MRM1: variants seen among roughly 807,000 people sequenced by gnomAD.
The protein encoded by MRM1 is rRNA methyltransferase 1, mitochondrial.
MRM1 carries 24 observed loss-of-function variants against 25.0 expected under a neutral mutation model. That is an observed-to-expected ratio of 0.96 (90% CI 0.69 to 1.35). MRM1 has a LOEUF of 1.35. Among genes scored for constraint, MRM1 ranks in the 40% most tolerant of loss-of-function variants. The probability of loss-of-function intolerance (pLI) is 0.00; values close to 1 mark genes in which losing one functional copy is unlikely to be tolerated. For missense variants in MRM1, 431 were observed against 464.1 expected (o/e 0.93, Z 0.65); for synonymous variants, 188 against 199.2 (o/e 0.94, Z 0.47).
At chr17:36,604,042 T>C (rs2142835209) in intron 2 of MRM1, among the ~76,000 whole-genome samples, 1 of 152,366 alleles carries the variant, frequency 6.6e-6, no homozygotes, top group South Asian at 2.1e-4. Context: ...GTCATCCGCC[T>C]GTTGCTGTGG....
chr17:36,614,262 CTTCCCTGTTTCA>C, the MRM1 span, among the ~76,000 whole-genome samples: 2 of 152,084 alleles, frequency 1.3e-5, no homozygotes, highest in Non-Finnish European at 2.9e-5. Context: ...CTGTTTGCAG[CTTCCCTGTTTCA>C]TTAACACCTC....
At chr17:36,610,217 G>A (rs988986854), downstream of MRM1, among the ~76,000 whole-genome samples, 3 of 148,404 alleles carry the variant, frequency 2.0e-5, no homozygotes, top group Non-Finnish European at 4.4e-5. Flanking sequence ...TGTGAACCTG[G>A]CCTAAAAAGG....
chr17:36,608,294 G>A lies in MRM1; in HGVS notation c.941G>A (p.Gly314Glu). 2 of 1,605,898 alleles carry A rather than the reference G, an allele frequency of 1.2e-6. No individual in the cohort carries two copies. Among genetic ancestry groups the A allele is most frequent in the Non-Finnish European group, 1.7e-6 (2 of 1,176,394 alleles). ...CSQRKGFPTE[G>E]ERRQLLQDPQ... is the part of the protein sequence containing the mutation. ...CAGAGGAAGGGTTTCCCCACAGAGG[G>A]GGAGAGAAGGCAGCTTCTCCAAGAC... Residue 314 changes from glycine (G) to glutamate (E), a missense_variant, in exon 5 of 5, where the codon GGG (glycine) becomes GAG (glutamate). Coordinates refer to ENST00000614766, the MANE Select transcript of MRM1 (RefSeq NM_024864.5).
Position 36,601,843 on chromosome 17 carries a change from C to T in MRM1, c.33C>T (p.Thr11=). 5 of 1,588,648 alleles carry T rather than the reference C, an allele frequency of 3.1e-6. No individual in the cohort carries two copies. The highest frequency in any genetic ancestry group is 2.6e-6 in the Non-Finnish European group (3 of 1,169,310). ...TGCTCTCGACCGTCCGGGGCGCGAC[C>T]TGGGGTCGCCTCGTCACCCGTCATT... The part of the protein sequence containing the change: MALLSTVRGA[T]WGRLVTRHFS... The change falls in exon 1 of 5, where the codon ACC becomes ACT. Residue 11 remains threonine (T), a synonymous_variant. Transcript: ENST00000614766.
chr17:36,607,561 T>G (rs2074940789), intron 2 of MRM1, 109 bp from the exon 3 acceptor site: 3 of 1,336,854 alleles, frequency 2.2e-6, no homozygotes, highest in Non-Finnish European at 3.0e-6. Flanking sequence ...CGGTTGAGGC[T>G]GCGGTGAGCT....
At chr17:36,610,502 G>A (rs145535899), downstream of MRM1, among the ~76,000 whole-genome samples, 9,484 of 152,268 alleles carry the variant, frequency 0.062, 510 homozygotes, top group African/African-American at 0.13. Flanking sequence ...AATGTGCTGG[G>A]ATTACAGGCG....
the MRM1 span, among the ~76,000 whole-genome samples, chr17:36,618,657 G>A: frequency 2.2e-4 from 33 of 152,168 alleles, no homozygotes; most frequent in Admixed American, 5.2e-4. Context: ...ACTGGGAGCG[G>A]ACAGCCCAGG....
At chr17:36,618,292 T>G in the MRM1 span, among the ~76,000 whole-genome samples, 3 of 152,156 alleles carry the variant, frequency 2.0e-5, no homozygotes. Context: ...AAGTATTTAT[T>G]GAGCACCTAC....
Position 36,605,983 on chromosome 17 carries a change from G to A in MRM1, c.637-1687G>A, listed in dbSNP as rs138987000. Among the ~76,000 whole-genome samples, 284 of 152,218 alleles carry A rather than the reference G, an allele frequency of 1.9e-3. 1 individual carries two copies. Among genetic ancestry groups the A allele is most frequent in the African/African-American group, 5.9e-3 (246 of 41,536 alleles). On this transcript the variant is annotated intron_variant, in intron 2 of 4. Coordinates refer to ENST00000614766, the MANE Select transcript of MRM1 (RefSeq NM_024864.5). ...CAAAACCTTTCAAAGCCTCTGTACC[G>A]CTCAGATTCAAAGGCAGAGTCCTTC...
Position 36,601,757 on chromosome 17 carries a change from T to C in MRM1, c.-54T>C. 6.7e-7 allele frequency: 1 copy of C among 1,493,546 alleles called. No individual in the cohort carries two copies. The allele number at this position is 1,493,546 out of a possible 1,614,324, so 92.5% of individuals were successfully genotyped here. On this transcript the variant is annotated 5_prime_UTR_variant, in exon 1 of 5. Coordinates refer to ENST00000614766, the MANE Select transcript of MRM1 (RefSeq NM_024864.5). ...CCTGGGAGCGAACTGCGGCGCGGGTTACCGCTCCCGGGGACGCAGCAAGGG... is the reference window on the plus strand; with the variant it reads ...CCTGGGAGCGAACTGCGGCGCGGGTCACCGCTCCCGGGGACGCAGCAAGGG...
At chr17:36,625,339 G>T in the MRM1 span, among the ~76,000 whole-genome samples, 2,121 of 73,114 alleles carry the variant, frequency 0.029, 42 homozygotes, top group African/African-American at 0.13. Context: ...CTTCTCCTTC[G>T]CCTTCTTCTT....
chr17:36,632,584 T>C, the MRM1 span, among the ~76,000 whole-genome samples: 1 of 150,852 alleles, frequency 6.6e-6, no homozygotes, highest in Non-Finnish European at 1.5e-5. Context: ...TAACGAGGAT[T>C]TGGGCAATTT....
At chr17:36,613,200 C>T (rs1219243571), downstream of MRM1, among the ~76,000 whole-genome samples, 1 of 152,048 alleles carries the variant, frequency 6.6e-6, no homozygotes, top group Non-Finnish European at 1.5e-5. Context: ...GTCAATCCCC[C>T]TCCCCCTAGG....
At chr17:36,632,577 C>T in the MRM1 span, among the ~76,000 whole-genome samples, 19 of 151,892 alleles carry the variant, frequency 1.3e-4, no homozygotes, top group South Asian at 2.7e-3. Flanking sequence ...TCTCAGTTAA[C>T]GAGGATTTGG....
At chr17:36,606,607 C>CTTCT (rs2074930383) in intron 2 of MRM1, among the ~76,000 whole-genome samples, 1 of 142,814 alleles carries the variant, frequency 7.0e-6, no homozygotes, top group Admixed American at 7.0e-5. Context: ...TCAGGCTAGT[C>CTTCT]TTTTTTTTTT....
intron 2 of MRM1, among the ~76,000 whole-genome samples, chr17:36,605,949 T>G (rs1412672982): frequency 6.6e-6 from 1 of 152,162 alleles, no homozygotes; most frequent in Non-Finnish European, 1.5e-5. Flanking sequence ...ACCATGTTAC[T>G]TCTCTGCTCA....
At chr17:36,606,023 A>T (rs1021721944) in intron 2 of MRM1, among the ~76,000 whole-genome samples, 2 of 152,072 alleles carry the variant, frequency 1.3e-5, no homozygotes, top group African/African-American at 4.8e-5. Context: ...AGCCCTGGAG[A>T]CCATACCTCA....
chr17:36,603,025 A>G (rs1463589524), intron 2 of MRM1: 3 of 984,880 alleles, frequency 3.0e-6, no homozygotes, highest in East Asian at 2.3e-4. Context: ...GGATGTTTGA[A>G]CAAGAAGATC....
intron 2 of MRM1, among the ~76,000 whole-genome samples, chr17:36,605,669 C>T (rs891958138): frequency 1.3e-5 from 2 of 151,548 alleles, no homozygotes; most frequent in African/African-American, 4.9e-5. Flanking sequence ...GTCAGGCGGG[C>T]ATTTCAAACC....
Sources: gnomAD v4.1 joint callset for allele counts (sites outside exome capture counted in the v4.1 genomes callset) on GRCh38, gnomAD v4.1.1 for gene constraint, MANE v1.5 for transcripts, NCBI Gene and HGNC (gene_info 2026-07-23, HGNC 2026-07-21) for gene names.